Variants in ABCA8 observed in about 807,000 individuals in gnomAD.
The protein encoded by ABCA8 is ABC-type organic anion transporter ABCA8.
ABCA8 carries 177 observed loss-of-function variants against 192.3 expected under a neutral mutation model. The ratio of observed to expected loss-of-function variants is 0.92; its 90% CI spans 0.81 to 1.04. ABCA8 has a LOEUF of 1.04. Ranked by LOEUF, ABCA8 falls within the 50% of genes least tolerant of loss-of-function variation. The pLI, the probability that ABCA8 is intolerant of heterozygous loss-of-function variation, is 0.00. For synonymous variants in ABCA8, 642 were observed against 690.2 expected, an observed-to-expected ratio of 0.93 and a Z score of 1.09; for missense variants, 1,915 against 1,904.8, an observed-to-expected ratio of 1.01 and a Z score of -0.10.
chr17:68,932,485 C>T lies in ABCA8; in HGVS notation c.600G>A (p.Glu200=), dbSNP rs1567874437. The change falls in exon 7 of 40, where the codon GAG becomes GAA. Residue 200 remains glutamate, a synonymous_variant. Coordinates refer to ENST00000586539, the MANE Select transcript of ABCA8 (RefSeq NM_001288985.2). Reference sequence around the variant, plus strand: ...TATTTTTTCCAGTAACTGACATCAGCTCCTCCATCACTGAGTGATTTGTTG... The same window carrying T: ...TATTTTTTCCAGTAACTGACATCAGTTCCTCCATCACTGAGTGATTTGTTG... ...EITTNHSVME[E]LMSVTGKNMK... is the part of the protein sequence containing the mutation. 3 of 1,613,692 alleles carry T rather than the reference C, an allele frequency of 1.9e-6. No homozygotes were observed. Among genetic ancestry groups the T allele is most frequent in the Middle Eastern group, 1.7e-4 (1 of 6,058 alleles).
intron 14 of ABCA8, 146 bp downstream of exon 14, chr17:68,919,155 C>T (rs754335736): frequency 3.8e-5 from 26 of 693,162 alleles, no homozygotes; most frequent in South Asian, 6.8e-5. Flanking sequence ...AAATTATATG[C>T]AATGTTAGCT....
At chr17:68,914,879 C>T (rs746430077) in intron 17 of ABCA8, among the ~76,000 whole-genome samples, 3 of 115,726 alleles carry the variant, frequency 2.6e-5, no homozygotes, top group South Asian at 2.9e-4. Flanking sequence ...ATCACATCAT[C>T]GGACTTCAAA....
intron 7 of ABCA8, 76 bp downstream of exon 7, chr17:68,932,212 A>G: frequency 8.3e-7 from 1 of 1,200,572 alleles, no homozygotes; most frequent in Non-Finnish European, 1.2e-6. Flanking sequence ...TCCATTTCAA[A>G]AAAAAAAAGA....
intron 18 of ABCA8, among the ~76,000 whole-genome samples, chr17:68,907,118 T>G (rs2067088183): frequency 6.6e-6 from 1 of 152,190 alleles, no homozygotes; most frequent in Non-Finnish European, 1.5e-5. Flanking sequence ...CTTTAAATTA[T>G]AATTACTGTT....
chr17:68,909,350 AGG>A (rs1164314659), intron 17 of ABCA8, among the ~76,000 whole-genome samples: 7 of 152,220 alleles, frequency 4.6e-5, no homozygotes, highest in Non-Finnish European at 1.0e-4. Context: ...TGTAAAAGAA[AGG>A]GCATGACTGG....
intron 2 of ABCA8, among the ~76,000 whole-genome samples, chr17:68,943,723 T>C (rs550948464): frequency 1.5e-4 from 23 of 152,264 alleles, no homozygotes; most frequent in African/African-American, 5.5e-4. Flanking sequence ...ATGGCTACTA[T>C]AAAAGCAGGT....
chr17:68,876,583 T>C lies in ABCA8; in HGVS notation c.4276-29A>G, dbSNP rs778363399. The C allele has an allele frequency of 1.7e-5, 28 of 1,614,016 alleles. 1 individual carries two copies. In the South Asian group the frequency reaches 3.1e-4, roughly 18 times the overall value. ...CAACGGGAGGAACAGCCCATCTGGT[T>C]CCCATCTATGGCACTTGCAGAGCAA... On this transcript the variant is annotated intron_variant, in intron 34 of 39. Coordinates refer to ENST00000586539, the MANE Select transcript of ABCA8 (RefSeq NM_001288985.2).
At position 68,907,888 on chromosome 17, in the gene ABCA8, CAG is replaced by C; in HGVS notation, c.2139-11_2139-10del. On this transcript the variant is annotated splice_polypyrimidine_tract_variant and intron_variant, in intron 17 of 39. Coordinates refer to ENST00000586539, the MANE Select transcript of ABCA8 (RefSeq NM_001288985.2). ...TTTCATTTAACTGCAAGCTGGCATTCAGAAAAAAAAAAAAAGACATATGTTAC... is the reference window on the plus strand; with the variant it reads ...TTTCATTTAACTGCAAGCTGGCATTCAAAAAAAAAAAAAGACATATGTTAC... 6.8e-7 allele frequency: 1 copy of C among 1,470,416 alleles called. No homozygotes were observed. 91.1% of individuals were successfully genotyped at this position (1,470,416 alleles called of 1,614,324 possible).
chr17:68,938,216 G>A lies in ABCA8; in HGVS notation c.302-1101C>T, dbSNP rs117065848. Among the ~76,000 whole-genome samples, 35 of 152,214 alleles carry A rather than the reference G, an allele frequency of 2.3e-4. No homozygotes were observed. The East Asian group carries it at 6.6e-3, about 29-fold the overall frequency. Reference sequence around the variant, plus strand: ...TTAAAATGTATGTGGAACTAATGGTGTGATGCTTGGTGAGGCGCCGTTGGA... The same window carrying A: ...TTAAAATGTATGTGGAACTAATGGTATGATGCTTGGTGAGGCGCCGTTGGA... On this transcript the variant is annotated intron_variant, in intron 4 of 39. Coordinates refer to ENST00000586539, the MANE Select transcript of ABCA8 (RefSeq NM_001288985.2).
intron 21 of ABCA8, among the ~76,000 whole-genome samples, chr17:68,900,199 C>T (rs1040504578): frequency 2.0e-5 from 3 of 151,834 alleles, no homozygotes; most frequent in Non-Finnish European, 4.4e-5. Context: ...TTGAGGAACC[C>T]TTAGCTAGGA....
Position 68,891,578 on chromosome 17 carries a change from T to C in ABCA8, c.3055A>G (p.Ile1019Val), listed in dbSNP as rs750655943. The change falls in exon 24 of 40, where the codon ATC becomes GTC. Residue 1019 changes from isoleucine to valine, a missense_variant. By Grantham distance (29) the Ile-to-Val change is conservative (BLOSUM62 3). Transcript: ENST00000586539. ...AACATGATATATGCCAGGAATCCGA[T>C]TGGATTGTCCTGTCCATTCTGAAAA... The part of the protein sequence containing the change: ...TFLENGQDNP[I>V]GFLAYIMFWL... 15 of 1,612,352 alleles carry C rather than the reference T, an allele frequency of 9.3e-6. No homozygotes were observed. The East Asian group carries it at 3.1e-4, about 34-fold the overall frequency.
At chr17:68,939,837 G>A (rs2068175682) in intron 4 of ABCA8, among the ~76,000 whole-genome samples, 1 of 152,020 alleles carries the variant, frequency 6.6e-6, no homozygotes, top group Non-Finnish European at 1.5e-5. Flanking sequence ...TTGTTAACTA[G>A]TCACCCTACT....
rs955742341 is a variant in ABCA8, at chr17:68,949,407, C to T, written c.-101G>A. On this transcript the variant is annotated 5_prime_UTR_variant, in exon 2 of 40. Transcript: ENST00000586539. ...GCATTCCTTCTGAAACAATTCCAAA[C>T]AGTCGAAAAAGAGGGACTCCTCTCT... 1.3e-5 allele frequency: 2 copies of T among 152,270 alleles called. No homozygotes were observed. The highest frequency in any genetic ancestry group is 2.9e-5 in the Non-Finnish European group (2 of 68,010). The allele number at this position is 152,270 out of a possible 1,614,324, so 9.4% of individuals were successfully genotyped here.
chr17:68,921,406 T>G lies in ABCA8; in HGVS notation c.1588A>C (p.Ser530Arg), dbSNP rs200789731. Reference protein sequence around the residue: ...AGKSTLLNILSGLSVPTKGSV... With the variant: ...AGKSTLLNILRGLSVPTKGSV... ...CCTTTGGTGGGAACAGACAACCCAC[T>G]AAGAATGTTTAGCAGTGTTGACTTT... Residue 530 changes from serine (S) to arginine (R), a missense_variant, in exon 13 of 40, where the codon AGT (serine) becomes CGT (arginine). Coordinates refer to ENST00000586539, the MANE Select transcript of ABCA8 (RefSeq NM_001288985.2). 22 of 1,610,938 alleles carry G rather than the reference T, an allele frequency of 1.4e-5. No homozygotes were observed. Among genetic ancestry groups the G allele is most frequent in the Non-Finnish European group, 1.9e-5 (22 of 1,178,098 alleles).
In ABCA8 at chr17:68,867,369, T is replaced by C. The variant is rs987338318; in HGVS notation, c.*716A>G. On this transcript the variant is annotated 3_prime_UTR_variant, in exon 40 of 40. Coordinates refer to ENST00000586539, the MANE Select transcript of ABCA8 (RefSeq NM_001288985.2). ...GAGCTGTTGCTACATTTGTGAACTT[T>C]CTGAAACCAAGTGACAAATATCCAC... The C allele has an allele frequency of 1.3e-5, 2 of 152,206 alleles. No individual in the cohort carries two copies. Among genetic ancestry groups the C allele is most frequent in the Non-Finnish European group, 2.9e-5 (2 of 68,022 alleles). 9.4% of individuals were successfully genotyped at this position (152,206 alleles called of 1,614,324 possible). A position where few individuals can be genotyped will look rare whatever the true frequency, so the allele number is the denominator to read the frequency against.
intron 2 of ABCA8, chr17:68,944,709 C>T (rs2068346724): frequency 6.6e-6 from 1 of 152,004 alleles, no homozygotes; most frequent in African/African-American, 2.4e-5. Flanking sequence ...ATGATAAAAG[C>T]CTTGCACCTG....
In ABCA8 at chr17:68,948,602, T is replaced by A. The variant is rs147549327; in HGVS notation, c.-6+710A>T. On this transcript the variant is annotated intron_variant, in intron 2 of 39. Coordinates refer to ENST00000586539, the MANE Select transcript of ABCA8 (RefSeq NM_001288985.2). ...CTTTTTGATGGGATTGTTTTTTTCT[T>A]GTAAATTTGTTTAATTTCCTTGTAG... is the stretch of plus-strand genomic sequence containing the variant. 1.2e-3 allele frequency among the ~76,000 whole-genome samples: 188 copies of A among 152,332 alleles called. 1 individual carries two copies. Among genetic ancestry groups the A allele is most frequent in the African/African-American group, 3.3e-3 (138 of 41,580 alleles).
intron 32 of ABCA8, chr17:68,880,245 C>A (rs2066301973): frequency 6.6e-6 from 1 of 152,356 alleles, no homozygotes; most frequent in Non-Finnish European, 1.5e-5. Context: ...CTTTGGGTCT[C>A]CTCTCCATTA....
chr17:68,880,452 C>T (rs761618596), intron 32 of ABCA8, among the ~76,000 whole-genome samples: 36 of 152,302 alleles, frequency 2.4e-4, no homozygotes, highest in Non-Finnish European at 3.5e-4. Context: ...AGGGCTGAAA[C>T]ATGCCCCCCA....
Sources: gnomAD v4.1 joint callset for allele counts (sites outside exome capture counted in the v4.1 genomes callset) on GRCh38, gnomAD v4.1.1 for gene constraint, MANE v1.5 for transcripts, NCBI Gene and HGNC (gene_info 2026-07-23, HGNC 2026-07-21) for gene names.